Variants in PALS1 observed in about 807,000 individuals in gnomAD.
PALS1 encodes protein PALS1.
PALS1 carries 31 observed loss-of-function variants against 78.9 expected under a neutral mutation model. The observed-to-expected ratio is 0.39, with a 90% CI of 0.30 to 0.53. The LOEUF is 0.53. Among genes scored for constraint, PALS1 ranks in the 20% least tolerant of loss-of-function variants. PALS1 has a pLI of 0.67. For missense variants in PALS1, 704 were observed against 826.5 expected (o/e 0.85, Z 1.82); for synonymous variants, 276 against 270.9 (o/e 1.02, Z -0.18).
chr14:67,297,142 C>T (rs559114470), intron 4 of PALS1, among the ~76,000 whole-genome samples: 38 of 152,320 alleles, frequency 2.5e-4, no homozygotes, highest in African/African-American at 9.1e-4. Context: ...CCAATAGCAT[C>T]TTCCCTAATG....
chr14:67,312,444 A>C (rs1245650126), intron 8 of PALS1, 83 bp from the exon 9 acceptor site: 2 of 1,005,698 alleles, frequency 2.0e-6, no homozygotes, highest in South Asian at 2.9e-5. Context: ...AAAATAATAA[A>C]AAATTTGTAG....
intron 6 of PALS1, 63 bp from the exon 7 acceptor site, chr14:67,302,347 A>C (rs1477300305): frequency 8.0e-7 from 1 of 1,248,162 alleles, no homozygotes; most frequent in Non-Finnish European, 1.0e-6. Flanking sequence ...AGAATTTAAA[A>C]ATAAATGCTT....
chr14:67,241,621 G>C (rs1361245383), intron 1 of PALS1, 88 bp downstream of exon 1: 1 of 152,548 alleles, frequency 6.6e-6, no homozygotes, highest in Non-Finnish European at 1.5e-5. Flanking sequence ...GGGCGGCCGG[G>C]CTCCCCTTCC....
intron 3 of PALS1, among the ~76,000 whole-genome samples, chr14:67,287,056 A>C (rs1380461284): frequency 6.6e-6 from 1 of 152,052 alleles, no homozygotes; most frequent in African/African-American, 2.4e-5. Context: ...TCTCTACAAA[A>C]AATACAAAAA....
chr14:67,264,759 A>T (rs2084293199), intron 1 of PALS1, among the ~76,000 whole-genome samples: 1 of 152,160 alleles, frequency 6.6e-6, no homozygotes. Flanking sequence ...GCCTAGAATC[A>T]TGGGGTGAGA....
chr14:67,262,004 C>CT (rs2140510744), intron 1 of PALS1, among the ~76,000 whole-genome samples: 1 of 152,196 alleles, frequency 6.6e-6, no homozygotes, highest in South Asian at 2.1e-4. Context: ...AGACATGTAA[C>CT]TAACACAGCA....
intron 14 of PALS1, among the ~76,000 whole-genome samples, chr14:67,329,487 T>G (rs1222307695): frequency 2.0e-5 from 3 of 152,194 alleles, no homozygotes; most frequent in South Asian, 4.1e-4. Flanking sequence ...CCTGCCTGAT[T>G]GCCCTGGCCA....
chr14:67,299,710 G>A (rs1327824623), intron 4 of PALS1, among the ~76,000 whole-genome samples: 6 of 152,168 alleles, frequency 3.9e-5, no homozygotes, highest in African/African-American at 9.6e-5. Context: ...AGGTTAGTAG[G>A]GCAGTGGGTA....
At chr14:67,306,118 T>C (rs564967166) in intron 8 of PALS1, among the ~76,000 whole-genome samples, 33 of 152,144 alleles carry the variant, frequency 2.2e-4, no homozygotes, top group South Asian at 4.1e-4. Context: ...TACAAGTGCA[T>C]GCCACCACAT....
chr14:67,271,023 A>G (rs1306841071), intron 2 of PALS1: 1 of 152,228 alleles, frequency 6.6e-6, no homozygotes, highest in East Asian at 1.9e-4. Flanking sequence ...AGTAAAAGAT[A>G]TAGCTAGAAA....
At chr14:67,330,867 A>T (rs983825842) in intron 14 of PALS1, among the ~76,000 whole-genome samples, 1 of 152,248 alleles carries the variant, frequency 6.6e-6, no homozygotes, top group Non-Finnish European at 1.5e-5. Flanking sequence ...CCAGGTGGTC[A>T]GACCCTGAAA....
intron 14 of PALS1, among the ~76,000 whole-genome samples, chr14:67,324,561 T>A (rs914715850): frequency 6.6e-6 from 1 of 151,730 alleles, no homozygotes; most frequent in Non-Finnish European, 1.5e-5. Flanking sequence ...TTCTTTTGAT[T>A]GTTTTTTTTG....
chr14:67,313,724 A>G (rs1027206281), intron 9 of PALS1, among the ~76,000 whole-genome samples: 1 of 152,170 alleles, frequency 6.6e-6, no homozygotes, highest in Non-Finnish European at 1.5e-5. Flanking sequence ...TGGTGCTGAG[A>G]TAAACTTCGC....
At chr14:67,271,693 A>T (rs2084409425) in intron 2 of PALS1, 1 of 152,170 alleles carries the variant, frequency 6.6e-6, no homozygotes, top group Non-Finnish European at 1.5e-5. Flanking sequence ...AAACAGGGAG[A>T]GGATTAAAGA....
rs150042667 is a variant in PALS1 at position 67,279,520 on chromosome 14, A to G, written c.350A>G (p.Tyr117Cys). 8 of 1,535,936 alleles carry G rather than the reference A, an allele frequency of 5.2e-6. No individual in the cohort carries two copies. Among genetic ancestry groups the G allele is most frequent in the South Asian group, 1.3e-5 (1 of 77,656 alleles). ...GGAATTGTCTTAGAAAGTCCTCATT[A>G]TGCTGTGAAAATATTAGGTAAGTAA... The part of the protein sequence containing the change: ...EEGIVLESPH[Y>C]AVKILEIEDL... The change falls in exon 3 of 15, where the codon TAT becomes TGT. Residue 117 changes from tyrosine (Y) to cysteine (C), a missense_variant. Transcript: ENST00000261681.
At chr14:67,288,332 T>C (rs2084722203) in intron 3 of PALS1, among the ~76,000 whole-genome samples, 1 of 152,146 alleles carries the variant, frequency 6.6e-6, no homozygotes, top group Non-Finnish European at 1.5e-5. Context: ...TCTGCCCTCC[T>C]GAGCCTCCCA....
intron 13 of PALS1, 50 bp from the exon 14 acceptor site, chr14:67,323,652 A>C: frequency 1.5e-6 from 1 of 674,584 alleles, no homozygotes; most frequent in East Asian, 3.2e-5. Flanking sequence ...ATTATTAGGA[A>C]GTAATTAAAT....
chr14:67,331,498 C>G (rs1430965772), intron 14 of PALS1, among the ~76,000 whole-genome samples: 4 of 152,072 alleles, frequency 2.6e-5, no homozygotes, highest in African/African-American at 9.7e-5. Flanking sequence ...ATCTCTGAAT[C>G]TGTTCTGCTA....
At chr14:67,310,508 A>C (rs895486367) in intron 8 of PALS1, among the ~76,000 whole-genome samples, 1 of 152,082 alleles carries the variant, frequency 6.6e-6, no homozygotes. Context: ...GGTGTTGGTG[A>C]TATGATGGTT....
Sources: gnomAD v4.1 joint callset for allele counts (sites outside exome capture counted in the v4.1 genomes callset) on GRCh38, gnomAD v4.1.1 for gene constraint, MANE v1.5 for transcripts, NCBI Gene and HGNC (gene_info 2026-07-23, HGNC 2026-07-21) for gene names.